LPAR6: variants seen among roughly 807,000 people sequenced by gnomAD.
LPAR6 encodes lysophosphatidic acid receptor 6, also known as G-protein coupled purinergic receptor P2Y5.
In LPAR6, 17 loss-of-function variants were observed where a neutral mutation model predicts 22.0. The ratio of observed to expected loss-of-function variants is 0.77; its 90% CI spans 0.53 to 1.16. The LOEUF is 1.16. Among genes scored for constraint, LPAR6 ranks in the 50% most tolerant of loss-of-function variants. LPAR6 has a pLI of 0.00. For missense variants in LPAR6, 384 were observed against 406.9 expected (o/e 0.94, Z 0.48); for synonymous variants, 136 against 139.8 (o/e 0.97, Z 0.19).
chr13:48,432,544 C>G (rs1949141154), intron 1 of LPAR6, among the ~76,000 whole-genome samples: 1 of 151,966 alleles, frequency 6.6e-6, no homozygotes, highest in Admixed American at 6.6e-5. Flanking sequence ...TCCACCCTGA[C>G]TTGTCTCTTC....
chr13:48,398,173 C>A (rs1445077664), intron 1 of LPAR6, among the ~76,000 whole-genome samples: 1 of 152,106 alleles, frequency 6.6e-6, no homozygotes, highest in Non-Finnish European at 1.5e-5. Context: ...CATGAATTAC[C>A]TAAAATAACC....
intron 1 of LPAR6, among the ~76,000 whole-genome samples, chr13:48,395,068 C>A (rs1948637391): frequency 7.6e-6 from 1 of 132,436 alleles, no homozygotes; most frequent in African/African-American, 2.7e-5. Flanking sequence ...GCAATCTTTG[C>A]TCTTCTGCAA....
At chr13:48,408,486 G>A (rs1948759343), downstream of LPAR6, 3 of 151,952 alleles carry the variant, frequency 2.0e-5, no homozygotes, top group Non-Finnish European at 4.4e-5. Flanking sequence ...AATAACAGTG[G>A]GCACAGTTTT....
At position 48,411,143 on chromosome 13, in the gene LPAR6, T is replaced by G; in HGVS notation, c.*246A>C. 2.7e-6 allele frequency: 1 copy of G among 374,834 alleles called. No homozygotes were observed. The highest frequency in any genetic ancestry group is 4.9e-6 in the Non-Finnish European group (1 of 203,892). 23.2% of individuals were successfully genotyped at this position (374,834 alleles called of 1,614,324 possible). On this transcript the variant is annotated 3_prime_UTR_variant, in exon 1 of 1. Coordinates refer to ENST00000620633, the MANE Select transcript of LPAR6 (RefSeq NM_001162498.3). ...AGTCACTTTTAGACACTAAATAACT[T>G]TAAGAGATTTTTTTTAATGAAGGAA... is the stretch of plus-strand genomic sequence containing the variant.
chr13:48,435,191 G>A (rs748280001), intron 1 of LPAR6, among the ~76,000 whole-genome samples: 4 of 152,226 alleles, frequency 2.6e-5, no homozygotes, highest in Non-Finnish European at 5.9e-5. Context: ...ATATACGAGT[G>A]AGTGATCCAG....
Position 48,411,860 on chromosome 13 carries a change from G to A in LPAR6, c.564C>T (p.Ile188=), listed in dbSNP as rs1948811927. Residue 188 remains isoleucine (I), a synonymous_variant, in exon 1 of 1, where the codon ATC becomes ATT. Transcript: ENST00000620633. The part of the protein sequence containing the change: ...KTYLSRIVIF[I]EIVGFFIPLI... ...GAGGAATAAAAAATCCCACTATTTC[G>A]ATGAAAATTACAATCCTTGAGAGAT... 1 of 1,613,564 alleles carries A rather than the reference G, an allele frequency of 6.2e-7. No homozygotes were observed. The highest frequency in any genetic ancestry group is 8.5e-7 in the Non-Finnish European group (1 of 1,179,688).
At chr13:48,442,905 C>T (rs1041476040) in intron 1 of LPAR6, among the ~76,000 whole-genome samples, 2 of 152,178 alleles carry the variant, frequency 1.3e-5, no homozygotes, top group East Asian at 3.9e-4. Flanking sequence ...CCCAACACCA[C>T]AAAGTAACTT....
intron 1 of LPAR6, among the ~76,000 whole-genome samples, chr13:48,432,213 C>G (rs1438002726): frequency 6.6e-6 from 1 of 152,072 alleles, no homozygotes; most frequent in Non-Finnish European, 1.5e-5. Context: ...AGGGAATTAA[C>G]CTTTAACTGA....
rs1238999193 is a variant in LPAR6, at chr13:48,412,711, T to TACA, written c.-291_-289dup. The TACA allele has an allele frequency of 2.2e-6, 1 of 463,112 alleles. No homozygotes were observed. Among genetic ancestry groups the TACA allele is most frequent in the African/African-American group, 2.0e-5 (1 of 50,316 alleles). The allele number at this position is 463,112 out of a possible 1,614,324, so 28.7% of individuals were successfully genotyped here. On this transcript the variant is annotated 5_prime_UTR_variant, in exon 1 of 1. Transcript: ENST00000620633. ...TAACTGACGAGCAACCTTTAAAAAA[T>TACA]ACAGTCAACGAGTCCAACCCATAGG...
chr13:48,417,801 A>T (rs112385402), upstream of LPAR6, among the ~76,000 whole-genome samples: 1,903 of 152,324 alleles, frequency 0.012, 43 homozygotes, highest in African/African-American at 0.039. Flanking sequence ...ACCTTTATGA[A>T]ATAAAGTGTG....
At chr13:48,400,909 A>G (rs575563896) in intron 1 of LPAR6, among the ~76,000 whole-genome samples, 4 of 152,254 alleles carry the variant, frequency 2.6e-5, no homozygotes, top group South Asian at 2.1e-4. Flanking sequence ...TTGGCTTACT[A>G]TAAGTACAGA....
chr13:48,401,069 CT>C (rs1226693227), intron 1 of LPAR6, among the ~76,000 whole-genome samples: 1 of 152,036 alleles, frequency 6.6e-6, no homozygotes, highest in Admixed American at 6.6e-5. Flanking sequence ...TGTTATGTTG[CT>C]TTAGTTATGA....
chr13:48,421,810 A>G (rs148244979), intron 2 of LPAR6, among the ~76,000 whole-genome samples: 54 of 152,354 alleles, frequency 3.5e-4, no homozygotes, highest in African/African-American at 1.3e-3. Flanking sequence ...AATCAAAACC[A>G]CAATGAGATA....
At chr13:48,414,205 A>G (rs1331991383), upstream of LPAR6, among the ~76,000 whole-genome samples, 1 of 152,074 alleles carries the variant, frequency 6.6e-6, no homozygotes, top group Non-Finnish European at 1.5e-5. Flanking sequence ...AAACTAGCCT[A>G]GGGCAATAGT....
chr13:48,398,672 A>G (rs1305028116), intron 1 of LPAR6, among the ~76,000 whole-genome samples: 1 of 152,006 alleles, frequency 6.6e-6, no homozygotes, highest in Non-Finnish European at 1.5e-5. Flanking sequence ...CAAATTCCAT[A>G]CTGGTTTCTA....
chr13:48,441,815 G>A lies in LPAR6; in HGVS notation c.-1474+2738C>T, dbSNP rs529500560. Among the ~76,000 whole-genome samples, 176 of 152,250 alleles carry A rather than the reference G, an allele frequency of 1.2e-3. 1 individual carries two copies. Among genetic ancestry groups the A allele is most frequent in the Admixed American group, 1.5e-3 (23 of 15,288 alleles). On this transcript the variant is annotated intron_variant, in intron 1 of 6. Coordinates refer to the LPAR6 transcript ENST00000378434. Reference sequence around the variant, plus strand: ...GCAAAAACCTGGTGATTTTCATTCTGTGGTATAGAGATCCTAGTTAAGAGG... The same window carrying A: ...GCAAAAACCTGGTGATTTTCATTCTATGGTATAGAGATCCTAGTTAAGAGG...
chr13:48,425,883 C>T (rs1949072345), intron 1 of LPAR6, among the ~76,000 whole-genome samples: 6 of 152,148 alleles, frequency 3.9e-5, no homozygotes, highest in Admixed American at 3.9e-4. Context: ...GACCAAGAAA[C>T]TAAAATTCAG....
At chr13:48,403,278 C>T (rs948560926) in intron 1 of LPAR6, among the ~76,000 whole-genome samples, 1 of 152,020 alleles carries the variant, frequency 6.6e-6, no homozygotes, top group Non-Finnish European at 1.5e-5. Context: ...CTCAGTGTAT[C>T]GGAAGAGCAG....
chr13:48,395,217 C>T (rs561222954), intron 1 of LPAR6, among the ~76,000 whole-genome samples: 10 of 152,226 alleles, frequency 6.6e-5, no homozygotes, highest in East Asian at 1.9e-4. Context: ...ACAAAAAGGA[C>T]GTCCACACAG....
Sources: allele counts gnomAD v4.1 joint callset (sites outside exome capture counted in the v4.1 genomes callset), GRCh38; gene constraint gnomAD v4.1.1; transcripts MANE v1.5; gene names NCBI Gene and HGNC (gene_info 2026-07-23, HGNC 2026-07-21).